PDLIM4: variants seen among roughly 807,000 people sequenced by gnomAD.
The protein encoded by PDLIM4 is PDZ and LIM domain 4, also known as PDZ and LIM domain protein 4.
In PDLIM4, 19 loss-of-function variants were observed where a neutral mutation model predicts 31.3. The observed-to-expected ratio is 0.61, with a 90% CI of 0.42 to 0.89. The LOEUF is 0.89. PDLIM4 is among the 40% of genes least tolerant of loss of function. PDLIM4 has a pLI of 0.00. For synonymous variants in PDLIM4, 176 were observed against 190.1 expected (o/e 0.93, Z 0.61); for missense variants, 442 against 461.1 (o/e 0.96, Z 0.38).
Position 132,272,412 on chromosome 5 carries a change from A to T in PDLIM4, c.*183A>T, listed in dbSNP as rs1017965782. On this transcript the variant is annotated 3_prime_UTR_variant, in exon 7 of 7. Coordinates refer to ENST00000253754, the MANE Select transcript of PDLIM4 (RefSeq NM_003687.4). ...AGTAGTATCTGCTTAGGTGCCAGGC[A>T]TGTCCTAGGCTCTGGGTGCAGTAGT... 6 of 626,862 alleles carry T rather than the reference A, an allele frequency of 9.6e-6. No individual in the cohort carries two copies. In the African/African-American group the frequency reaches 1.1e-4, roughly 11 times the overall value. 38.8% of individuals were successfully genotyped at this position (626,862 alleles called of 1,614,324 possible). A position where few individuals can be genotyped will look rare whatever the true frequency, so the allele number is the denominator to read the frequency against.
Position 132,262,618 on chromosome 5 carries a change from G to A in PDLIM4, c.103G>A (p.Gly35Ser), listed in dbSNP as rs1254336798. 1 of 1,607,740 alleles carries A rather than the reference G, an allele frequency of 6.2e-7. No homozygotes were observed. Among genetic ancestry groups the A allele is most frequent in the Non-Finnish European group, 8.5e-7 (1 of 1,176,930 alleles). ...GCTTGTCTGCTCGCAGGTCCATGCT[G>A]GCAGCAAGGCTGCATTGGCTGCCCT... Reference protein sequence around the residue: ...APLTISRVHAGSKAALAALCP... With the variant: ...APLTISRVHASSKAALAALCP... The change falls in exon 2 of 7, where the codon GGC (glycine) becomes AGC (serine). Residue 35 changes from glycine to serine, a missense_variant. By Grantham distance (56) the Gly-to-Ser change is moderately conservative. Coordinates refer to ENST00000253754, the MANE Select transcript of PDLIM4 (RefSeq NM_003687.4).
Position 132,257,775 on chromosome 5 carries a change from G to T in PDLIM4, c.41G>T (p.Gly14Val). The change falls in exon 1 of 7, where the codon GGC becomes GTC. Residue 14 changes from glycine (G) to valine (V), a missense_variant. Transcript: ENST00000253754. This position sits in a 1 kb window ranked among gnomAD's most constrained non-coding sequence, Gnocchi z 4.3. ...SVTLRGPSPW[G>V]FRLVGGRDFS... ...ACCCTGCGCGGGCCTTCGCCCTGGGGCTTCCGCCTGGTGGGCGGCCGGGAC... is the reference window on the plus strand; with the variant it reads ...ACCCTGCGCGGGCCTTCGCCCTGGGTCTTCCGCCTGGTGGGCGGCCGGGAC... 6.6e-7 allele frequency: 1 copy of T among 1,506,054 alleles called. No homozygotes were observed. Among genetic ancestry groups the T allele is most frequent in the Non-Finnish European group, 8.8e-7 (1 of 1,132,308 alleles). 93.3% of individuals were successfully genotyped at this position (1,506,054 alleles called of 1,614,324 possible). A position where few individuals can be genotyped will look rare whatever the true frequency, so the allele number is the denominator to read the frequency against.
intron 2 of PDLIM4, among the ~76,000 whole-genome samples, chr5:132,263,749 G>T (rs1295154138): frequency 6.6e-6 from 1 of 152,234 alleles, no homozygotes; most frequent in Non-Finnish European, 1.5e-5. Flanking sequence ...ATGCCTCTGA[G>T]CTGGCAGGGT....
At chr5:132,264,896 G>C (rs61352298) in intron 2 of PDLIM4, among the ~76,000 whole-genome samples, 89,464 of 151,722 alleles carry the variant, frequency 0.59, 27,035 homozygotes, top group Non-Finnish European at 0.64. Flanking sequence ...TGTGTACAGA[G>C]AGCTCTAATC....
rs138899887 is a variant in PDLIM4, at chr5:132,272,603, C to A, written c.*374C>A. The A allele has an allele frequency of 2.1e-3, 686 of 321,370 alleles. 4 individuals are homozygous for A. Among genetic ancestry groups the A allele is most frequent in the African/African-American group, 0.013 (635 of 47,062 alleles). 19.9% of individuals were successfully genotyped at this position (321,370 alleles called of 1,614,324 possible). A position where few individuals can be genotyped will look rare whatever the true frequency, so the allele number is the denominator to read the frequency against. ...TGGGTGGGGTCAGGGAAAGTCTTAG[C>A]TGAGAACTAAGAGATGAGGGAGGCA... On this transcript the variant is annotated 3_prime_UTR_variant, in exon 7 of 7. Transcript: ENST00000253754.
Position 132,259,767 on chromosome 5 carries a change from G to A in PDLIM4, c.93+1940G>A, listed in dbSNP as rs141825601. Reference sequence around the variant, plus strand: ...AGACAGGGAGGAGGCTATCGGCCCGGCAGGGCTGGGGGCTTGCAATCTCAG... The same window carrying A: ...AGACAGGGAGGAGGCTATCGGCCCGACAGGGCTGGGGGCTTGCAATCTCAG... On this transcript the variant is annotated intron_variant, in intron 1 of 6. Coordinates refer to ENST00000253754, the MANE Select transcript of PDLIM4 (RefSeq NM_003687.4). Among the ~76,000 whole-genome samples the A allele has an allele frequency of 6.6e-5, 10 of 152,286 alleles. No individual in the cohort carries two copies. In the East Asian group the frequency reaches 1.9e-3, roughly 29 times the overall value.
intron 1 of PDLIM4, among the ~76,000 whole-genome samples, chr5:132,259,390 C>G (rs1756325894): frequency 6.6e-6 from 1 of 152,104 alleles, no homozygotes; most frequent in African/African-American, 2.4e-5. Flanking sequence ...GCGGCTGCGG[C>G]AGCAGCAGCA....
chr5:132,257,729 C>G lies in PDLIM4; in HGVS notation c.-6C>G. 1 of 1,468,010 alleles carries G rather than the reference C, an allele frequency of 6.8e-7. No individual in the cohort carries two copies. Among genetic ancestry groups the G allele is most frequent in the East Asian group, 3.0e-5 (1 of 33,390 alleles). The allele number at this position is 1,468,010 out of a possible 1,614,324, so 90.9% of individuals were successfully genotyped here. On this transcript the variant is annotated 5_prime_UTR_variant, in exon 1 of 7. Coordinates refer to ENST00000253754, the MANE Select transcript of PDLIM4 (RefSeq NM_003687.4). This position sits in a 1 kb window ranked among gnomAD's most constrained non-coding sequence, Gnocchi z 4.3. ...GCTCAGGCTCCGGCTGCGGCTCCAG[C>G]CCGCGATGCCCCATTCCGTGACCCT...
At chr5:132,270,853 G>GGT (rs1756591769) in intron 3 of PDLIM4, 62 bp from the exon 4 acceptor site, 2 of 1,459,190 alleles carry the variant, frequency 1.4e-6, no homozygotes, top group East Asian at 4.5e-5. Context: ...GTGGGGGTGG[G>GGT]GTGAACAAGG....
intron 2 of PDLIM4, among the ~76,000 whole-genome samples, chr5:132,263,817 G>T (rs1756429547): frequency 6.6e-6 from 1 of 152,206 alleles, no homozygotes; most frequent in Non-Finnish European, 1.5e-5. Context: ...TGTGAGGTCA[G>T]CCCTGTTTGT....
rs780737875 is a variant in PDLIM4, at chr5:132,257,704, G to A, written c.-31G>A. On this transcript the variant is annotated 5_prime_UTR_variant, in exon 1 of 7. Coordinates refer to ENST00000253754, the MANE Select transcript of PDLIM4 (RefSeq NM_003687.4). The surrounding 1 kb of genome is among the most constrained non-coding windows in gnomAD (Gnocchi z 4.3). ...GGCGGCGGCTCCTCCTCAGAGTCCGGCTCAGGCTCCGGCTGCGGCTCCAGC... is the reference window on the plus strand; with the variant it reads ...GGCGGCGGCTCCTCCTCAGAGTCCGACTCAGGCTCCGGCTGCGGCTCCAGC... 3.5e-5 allele frequency: 48 copies of A among 1,388,354 alleles called. No homozygotes were observed. The African/African-American group carries it at 5.3e-4, about 15-fold the overall frequency. 86.0% of individuals were successfully genotyped at this position (1,388,354 alleles called of 1,614,324 possible). A position where few individuals can be genotyped will look rare whatever the true frequency, so the allele number is the denominator to read the frequency against.
Position 132,273,221 on chromosome 5 carries a change from C to G in PDLIM4, c.*992C>G. The stretch of plus-strand genomic sequence containing the variant: ...GGATCTACCCTCTAGTTTACTTGCT[C>G]GGGAGAAGAAACTGACTCGTTTTAT... On this transcript the variant is annotated 3_prime_UTR_variant, in exon 7 of 7. Transcript: ENST00000253754. 6.6e-6 allele frequency: 1 copy of G among 152,416 alleles called. No homozygotes were observed. Among genetic ancestry groups the G allele is most frequent in the South Asian group, 2.1e-4 (1 of 4,832 alleles). 9.4% of individuals were successfully genotyped at this position (152,416 alleles called of 1,614,324 possible).
At chr5:132,271,248 C>G (rs1580803841) in intron 4 of PDLIM4, 55 bp from the exon 5 acceptor site, 3 of 1,544,244 alleles carry the variant, frequency 1.9e-6, no homozygotes, top group East Asian at 4.5e-5. Context: ...CCCAAGTCCA[C>G]AGGGTGAAGG....
In PDLIM4 at chr5:132,273,234, T is replaced by C. The variant is rs1027146291; in HGVS notation, c.*1005T>C. ...AGTTTACTTGCTCGGGAGAAGAAAC[T>C]GACTCGTTTTATTTAGTGCCTATTT... is the stretch of plus-strand genomic sequence containing the variant. On this transcript the variant is annotated 3_prime_UTR_variant, in exon 7 of 7. Coordinates refer to ENST00000253754, the MANE Select transcript of PDLIM4 (RefSeq NM_003687.4). 17 of 152,340 alleles carry C rather than the reference T, an allele frequency of 1.1e-4. No homozygotes were observed. The highest frequency in any genetic ancestry group is 1.1e-3 in the Admixed American group (17 of 15,290). 9.4% of individuals were successfully genotyped at this position (152,340 alleles called of 1,614,324 possible).
intron 3 of PDLIM4, among the ~76,000 whole-genome samples, chr5:132,269,208 G>A (rs61119904): frequency 0.072 from 10,916 of 152,008 alleles, 507 homozygotes; most frequent in South Asian, 0.12. Flanking sequence ...ATGGGTGACC[G>A]TGGGAGGGGC....
chr5:132,273,283 T>C lies in PDLIM4; in HGVS notation c.*1054T>C, dbSNP rs1035367693. ...TTAGCGAGCCCAGAGTAACGTACATTTGTGCTGTTTTCAATTTTGTGCTAT... is the reference window on the plus strand; with the variant it reads ...TTAGCGAGCCCAGAGTAACGTACATCTGTGCTGTTTTCAATTTTGTGCTAT... On this transcript the variant is annotated 3_prime_UTR_variant, in exon 7 of 7. Transcript: ENST00000253754. 6.6e-6 allele frequency: 1 copy of C among 152,268 alleles called. No individual in the cohort carries two copies. The highest frequency in any genetic ancestry group is 1.5e-5 in the Non-Finnish European group (1 of 68,046). 9.4% of individuals were successfully genotyped at this position (152,268 alleles called of 1,614,324 possible).
Position 132,257,885 on chromosome 5 carries a change from C to T in PDLIM4, c.93+58C>T, listed in dbSNP as rs1756279467. ...TCCCATGTCTGAGACCGGGTTCTCG[C>T]GGTCCGCCCGGGACCCAGATCCCCT... is the stretch of plus-strand genomic sequence containing the variant. On this transcript the variant is annotated intron_variant, in intron 1 of 6. Coordinates refer to ENST00000253754, the MANE Select transcript of PDLIM4 (RefSeq NM_003687.4). This position sits in a 1 kb window ranked among gnomAD's most constrained non-coding sequence, Gnocchi z 4.3. 3 of 1,006,170 alleles carry T rather than the reference C, an allele frequency of 3.0e-6. No individual in the cohort carries two copies. Among genetic ancestry groups the T allele is most frequent in the Non-Finnish European group, 4.1e-6 (3 of 724,156 alleles). 62.3% of individuals were successfully genotyped at this position (1,006,170 alleles called of 1,614,324 possible).
At position 132,272,010 on chromosome 5, in the gene PDLIM4, C is replaced by T. The variant is rs1580805196; in HGVS notation, c.789-15C>T. 3 of 1,612,656 alleles carry T rather than the reference C, an allele frequency of 1.9e-6. No homozygotes were observed. The highest frequency in any genetic ancestry group is 1.1e-5 in the South Asian group (1 of 91,046). On this transcript the variant is annotated splice_polypyrimidine_tract_variant and intron_variant, in intron 6 of 6. Transcript: ENST00000253754. The stretch of plus-strand genomic sequence containing the variant: ...TCAGTCACTCGACGCTGTCCTGTCT[C>T]GTTCCCCCCATCAGGGGCACCATCG...
intron 3 of PDLIM4, 73 bp from the exon 4 acceptor site, chr5:132,270,842 G>T: frequency 7.4e-7 from 1 of 1,348,544 alleles, no homozygotes; most frequent in Non-Finnish European, 1.1e-6. Context: ...AGCACAGCAG[G>T]GTGGGGGTGG....
Sources: allele counts gnomAD v4.1 joint callset (sites outside exome capture counted in the v4.1 genomes callset), GRCh38; gene constraint gnomAD v4.1.1; non-coding constraint Gnocchi (gnomAD v3.1); transcripts MANE v1.5; gene names NCBI Gene and HGNC (gene_info 2026-07-23, HGNC 2026-07-21).